The following RYK variants were observed in gnomAD, a reference collection of about 807,000 sequenced individuals.
RYK encodes the protein inactive tyrosine-protein kinase RYK.
In RYK, 21 loss-of-function variants were observed where a neutral mutation model predicts 70.2. The ratio of observed to expected loss-of-function variants is 0.30; its 90% confidence interval spans 0.21 to 0.43. The LOEUF is 0.43. Ranked by LOEUF, RYK falls within the 20% of genes least tolerant of loss-of-function variation. The pLI, the probability that RYK is intolerant of heterozygous loss-of-function variation, is 1.00. For missense variants in RYK, 604 were observed against 753.3 expected (o/e 0.80, Z 2.32); for synonymous variants, 267 against 278.0 (o/e 0.96, Z 0.39).
chr3:134,185,707 A>C (rs1469685401), intron 9 of RYK, among the ~76,000 whole-genome samples: 1 of 152,192 alleles, frequency 6.6e-6, no homozygotes, highest in East Asian at 1.9e-4. Flanking sequence ...TCTTTTCAAG[A>C]CTGAAAACTA....
At chr3:134,221,782 T>C (rs1196440507) in intron 2 of RYK, among the ~76,000 whole-genome samples, 2 of 152,178 alleles carry the variant, frequency 1.3e-5, no homozygotes, top group South Asian at 2.1e-4. Flanking sequence ...CTGAAGTTGG[T>C]TGGGTACAGG....
At chr3:134,216,549 T>C (rs2014556400) in intron 2 of RYK, among the ~76,000 whole-genome samples, 1 of 151,808 alleles carries the variant, frequency 6.6e-6, no homozygotes, top group Non-Finnish European at 1.5e-5. Context: ...TGCCAGCACT[T>C]TGGGAGGCTG....
intron 2 of RYK, among the ~76,000 whole-genome samples, chr3:134,214,650 T>TACA (rs1468356701): frequency 6.6e-6 from 1 of 152,208 alleles, no homozygotes; most frequent in Non-Finnish European, 1.5e-5. Flanking sequence ...AAGGAGCTCT[T>TACA]ACACAACAAT....
chr3:134,188,886 A>G lies in RYK; in HGVS notation c.1053T>C (p.Asp351=), dbSNP rs2013555902. 1 of 1,580,136 alleles carries G rather than the reference A, an allele frequency of 6.3e-7. No individual in the cohort carries two copies. The highest frequency in any genetic ancestry group is 1.3e-5 in the African/African-American group (1 of 74,074). ...FGRIFHGILI[D]EKDPNKEKQA... is the part of the protein sequence containing the mutation. ...GTTTTTCTTTATTTGGATCTTTTTC[A>G]TCTATTAAAATCCCATGGAAAATAC... is the stretch of plus-strand genomic sequence containing the variant. The change falls in exon 9 of 15, where the codon GAT becomes GAC. Residue 351 remains aspartate (D), a synonymous_variant. Transcript: ENST00000623711.
At chr3:134,166,718 T>C (rs566343386) in intron 13 of RYK, among the ~76,000 whole-genome samples, 5 of 152,194 alleles carry the variant, frequency 3.3e-5, no homozygotes, top group Non-Finnish European at 7.3e-5. Flanking sequence ...TTTAAAGGAA[T>C]GTAAAGAGTT....
At chr3:134,241,110 A>G (rs1016710203) in intron 1 of RYK, among the ~76,000 whole-genome samples, 7 of 150,680 alleles carry the variant, frequency 4.6e-5, no homozygotes, top group South Asian at 4.3e-4. Flanking sequence ...TGGGGGAGGG[A>G]AATCACTTGA....
chr3:134,190,059 T>C (rs2013598488), intron 8 of RYK, among the ~76,000 whole-genome samples: 1 of 152,220 alleles, frequency 6.6e-6, no homozygotes, highest in Non-Finnish European at 1.5e-5. Flanking sequence ...GAGGTGGAGT[T>C]GTTGGTATCC....
At position 134,157,570 on chromosome 3, in the gene RYK, TAAAAAAA is replaced by T. The variant is rs2012289243; in HGVS notation, c.*576_*582del. The T allele has an allele frequency of 6.6e-6, 1 of 152,298 alleles. No homozygotes were observed. Among genetic ancestry groups the T allele is most frequent in the African/African-American group, 2.4e-5 (1 of 41,478 alleles). The allele number at this position is 152,298 out of a possible 1,614,324, so 9.4% of individuals were successfully genotyped here. A position where few individuals can be genotyped will look rare whatever the true frequency, so the allele number is the denominator to read the frequency against. Reference sequence around the variant, plus strand: ...GCAGTTTGCTTCTAATAAGTATTTTTAAAAAAATTTTTTTTTCCTCTAGCTTTTCTTT... The same window carrying T: ...GCAGTTTGCTTCTAATAAGTATTTTTTTTTTTTTTCCTCTAGCTTTTCTTT... On this transcript the variant is annotated 3_prime_UTR_variant, in exon 15 of 15. Transcript: ENST00000623711.
At chr3:134,193,589 T>C (rs967078729) in intron 7 of RYK, among the ~76,000 whole-genome samples, 1 of 152,252 alleles carries the variant, frequency 6.6e-6, no homozygotes. Context: ...CAAAGATTGA[T>C]ATTTAAACAT....
chr3:134,196,897 A>C (rs892225990), intron 6 of RYK, among the ~76,000 whole-genome samples: 5 of 152,142 alleles, frequency 3.3e-5, no homozygotes, highest in African/African-American at 1.2e-4. Context: ...TGCTCAGCAC[A>C]ACCATAGATC....
chr3:134,218,326 C>T (rs1381896011), intron 2 of RYK, among the ~76,000 whole-genome samples: 1 of 152,112 alleles, frequency 6.6e-6, no homozygotes, highest in African/African-American at 2.4e-5. Context: ...GCAGTTAGTA[C>T]CACGTGCTAT....
intron 2 of RYK, among the ~76,000 whole-genome samples, chr3:134,220,549 A>G (rs1375884317): frequency 6.6e-6 from 1 of 152,214 alleles, no homozygotes; most frequent in Non-Finnish European, 1.5e-5. Context: ...TTTTAAAGAC[A>G]CACACATTGG....
At chr3:134,216,381 T>C (rs568790637) in intron 2 of RYK, among the ~76,000 whole-genome samples, 1 of 152,262 alleles carries the variant, frequency 6.6e-6, no homozygotes, top group South Asian at 2.1e-4. Context: ...ACAAGTTCCC[T>C]GCAACTCCTA....
intron 13 of RYK, among the ~76,000 whole-genome samples, chr3:134,164,550 G>C (rs918273898): frequency 1.1e-4 from 16 of 152,184 alleles, no homozygotes; most frequent in African/African-American, 3.9e-4. Flanking sequence ...TACTCAGAAT[G>C]ATTCTGAGAT....
In RYK at chr3:134,177,818, C is replaced by T. The variant is rs927258921; in HGVS notation, c.1305+123G>A. 3.8e-6 allele frequency: 3 copies of T among 781,208 alleles called. No homozygotes were observed. In the East Asian group the frequency reaches 8.3e-5, roughly 22 times the overall value. The allele number at this position is 781,208 out of a possible 1,614,324, so 48.4% of individuals were successfully genotyped here. ...AACAGGTTATAAATATCTTGTGGTTCATTTTGAGGTTCTTTTTTGCAGGCC... is the reference window on the plus strand; with the variant it reads ...AACAGGTTATAAATATCTTGTGGTTTATTTTGAGGTTCTTTTTTGCAGGCC... On this transcript the variant is annotated intron_variant, in intron 11 of 14. Transcript: ENST00000623711.
chr3:134,157,494 G>A lies in RYK; in HGVS notation c.*659C>T, dbSNP rs1220928376. Reference sequence around the variant, plus strand: ...TCAGTTCCTGCTTTCCCAAAAACACGAAAGCAGAATTCCTTTTCACTGAAA... The same window carrying A: ...TCAGTTCCTGCTTTCCCAAAAACACAAAAGCAGAATTCCTTTTCACTGAAA... On this transcript the variant is annotated 3_prime_UTR_variant, in exon 15 of 15. Coordinates refer to ENST00000623711, the MANE Select transcript of RYK (RefSeq NM_002958.4). 1 of 152,150 alleles carries A rather than the reference G, an allele frequency of 6.6e-6. No individual in the cohort carries two copies. Among genetic ancestry groups the A allele is most frequent in the Non-Finnish European group, 1.5e-5 (1 of 68,016 alleles). 9.4% of individuals were successfully genotyped at this position (152,150 alleles called of 1,614,324 possible).
At chr3:134,180,478 T>C (rs2013259597) in intron 10 of RYK, 1 of 152,158 alleles carries the variant, frequency 6.6e-6, no homozygotes, top group Non-Finnish European at 1.5e-5. Context: ...AAAACAGGTG[T>C]CTTTTCTTGC....
intron 2 of RYK, among the ~76,000 whole-genome samples, chr3:134,215,181 T>C (rs949144914): frequency 6.6e-6 from 1 of 152,100 alleles, no homozygotes; most frequent in East Asian, 1.9e-4. Flanking sequence ...AACCCCAAAG[T>C]AAGCAGAGAG....
At chr3:134,188,639 T>A (rs961606551) in intron 9 of RYK, among the ~76,000 whole-genome samples, 198 bp downstream of exon 9, 25 of 152,202 alleles carry the variant, frequency 1.6e-4, no homozygotes, top group African/African-American at 6.0e-4. Flanking sequence ...CAGACTTCTG[T>A]TTTTCTATAC....
Sources: gnomAD v4.1 joint callset for allele counts (sites outside exome capture counted in the v4.1 genomes callset) on GRCh38, gnomAD v4.1.1 for gene constraint, MANE v1.5 for transcripts, NCBI Gene and HGNC (gene_info 2026-07-23, HGNC 2026-07-21) for gene names.